PLCB2: variants seen among roughly 807,000 people sequenced by gnomAD.
PLCB2 encodes the protein 1-phosphatidylinositol 4,5-bisphosphate phosphodiesterase beta-2.
In PLCB2, 115 loss-of-function variants were observed where a neutral mutation model predicts 141.7. The ratio of observed to expected loss-of-function variants is 0.81; its 90% CI spans 0.70 to 0.95. PLCB2 has a LOEUF of 0.95. PLCB2 is among the 40% of genes least tolerant of loss of function. PLCB2 has a pLI of 0.00. For missense variants in PLCB2, 1,403 were observed against 1,541.1 expected, an observed-to-expected ratio of 0.91 and a Z score of 1.50; for synonymous variants, 603 against 595.6, an observed-to-expected ratio of 1.01 and a Z score of -0.18.
intron 11 of PLCB2, 52 bp downstream of exon 11, chr15:40,298,171 C>T: frequency 6.6e-7 from 1 of 1,518,374 alleles, no homozygotes; most frequent in Non-Finnish European, 8.9e-7. Context: ...GCTTCTGGCC[C>T]AGAGCCCTTC....
intron 7 of PLCB2, 22 bp downstream of exon 7, chr15:40,301,935 G>A: frequency 6.2e-7 from 1 of 1,607,444 alleles, no homozygotes; most frequent in Non-Finnish European, 8.5e-7. Flanking sequence ...TGGGGGATGG[G>A]CAGGGGTGCA....
chr15:40,286,419 C>T (rs894871761), downstream of PLCB2, among the ~76,000 whole-genome samples: 15 of 152,184 alleles, frequency 9.9e-5, no homozygotes, highest in African/African-American at 3.4e-4. Context: ...CACGTTGCAC[C>T]AGCTTGGCAG....
chr15:40,287,843 AG>A (rs1463864706), downstream of PLCB2: 7 of 761,238 alleles, frequency 9.2e-6, no homozygotes, highest in Non-Finnish European at 1.1e-5. Context: ...GTTTCATTTC[AG>A]GGGCACTCCA....
chr15:40,307,040 G>A (rs2040831947), intron 1 of PLCB2, among the ~76,000 whole-genome samples: 2 of 152,228 alleles, frequency 1.3e-5, no homozygotes, highest in Admixed American at 6.5e-5. Context: ...GGTAGCAGAA[G>A]TCAAATCAGC....
Position 40,288,116 on chromosome 15 carries a change from G to A in PLCB2, c.*599C>T. On this transcript the variant is annotated 3_prime_UTR_variant, in exon 32 of 32. Coordinates refer to ENST00000260402, the MANE Select transcript of PLCB2 (RefSeq NM_004573.3). Reference sequence around the variant, plus strand: ...AGAGCCCACTGCCCCTTGTGACTCAGCCAAGCAGGGCCAAGGCAGCTTTTC... The same window carrying A: ...AGAGCCCACTGCCCCTTGTGACTCAACCAAGCAGGGCCAAGGCAGCTTTTC... The A allele has an allele frequency of 1.0e-6, 1 of 985,510 alleles. No homozygotes were observed. Among genetic ancestry groups the A allele is most frequent in the Non-Finnish European group, 1.2e-6 (1 of 829,984 alleles). 61.0% of individuals were successfully genotyped at this position (985,510 alleles called of 1,614,324 possible).
intron 7 of PLCB2, 87 bp downstream of exon 7, chr15:40,301,870 T>C (rs966476348): frequency 1.7e-6 from 2 of 1,180,482 alleles, no homozygotes; most frequent in Non-Finnish European, 2.5e-6. Flanking sequence ...ATGTCACCTC[T>C]GCTCCCCCAC....
Position 40,290,708 on chromosome 15 carries a change from C to T in PLCB2, c.3114-36G>A, listed in dbSNP as rs147940268. 49 of 1,610,696 alleles carry T rather than the reference C, an allele frequency of 3.0e-5. No individual in the cohort carries two copies. In the African/African-American group the frequency reaches 5.3e-4, roughly 18 times the overall value. On this transcript the variant is annotated intron_variant, in intron 28 of 31. Transcript: ENST00000260402. ...ACAGGCATGAAGGAGCTGTTTTGTGCGGCTGAGCCCTTGCTGGGAGGCGAA... is the reference window on the plus strand; with the variant it reads ...ACAGGCATGAAGGAGCTGTTTTGTGTGGCTGAGCCCTTGCTGGGAGGCGAA...
At chr15:40,285,557 G>A, downstream of PLCB2, 2 of 985,412 alleles carry the variant, frequency 2.0e-6, no homozygotes, top group South Asian at 9.4e-5. Flanking sequence ...TCCCGCCCCA[G>A]AGCTAGGGCC....
intron 1 of PLCB2, among the ~76,000 whole-genome samples, chr15:40,304,360 C>G (rs4244575): frequency 0.25 from 38,058 of 151,974 alleles, 5,877 homozygotes; most frequent in East Asian, 0.71. Flanking sequence ...GAGCGAGACT[C>G]CCTACTGCCA....
rs976242035 is a variant in PLCB2 at position 40,307,790 on chromosome 15, G to A, written c.-118C>T. ...CTCAAATGGCACCCATCCCCGAGCT[G>A]CTCCAGAAATCTAGTTGCTCTTATA... On this transcript the variant is annotated 5_prime_UTR_variant, in exon 1 of 32. Transcript: ENST00000260402. 6.4e-6 allele frequency: 5 copies of A among 779,188 alleles called. No individual in the cohort carries two copies. The Admixed American group carries it at 9.3e-5, about 15-fold the overall frequency. 48.3% of individuals were successfully genotyped at this position (779,188 alleles called of 1,614,324 possible).
At chr15:40,299,027 C>T in intron 8 of PLCB2, 63 bp from the exon 9 acceptor site, 1 of 1,586,646 alleles carries the variant, frequency 6.3e-7, no homozygotes, top group East Asian at 2.2e-5. Flanking sequence ...AGACAACCCC[C>T]TTGTCCAGTG....
chr15:40,299,890 C>T (rs1313492031), intron 7 of PLCB2, among the ~76,000 whole-genome samples: 5 of 152,142 alleles, frequency 3.3e-5, no homozygotes, highest in Non-Finnish European at 5.9e-5. Flanking sequence ...ACAGGTATTT[C>T]TCCAAAGAAG....
intron 17 of PLCB2, 54 bp from the exon 18 acceptor site, chr15:40,295,114 C>T: frequency 6.2e-7 from 1 of 1,610,326 alleles, no homozygotes; most frequent in Non-Finnish European, 8.5e-7. Context: ...GAGAACCTAA[C>T]AGCTTACCCT....
rs751864031 is a variant in PLCB2, at chr15:40,291,068, C to T, written c.2986G>A (p.Glu996Lys). 3 of 1,589,890 alleles carry T rather than the reference C, an allele frequency of 1.9e-6. No homozygotes were observed. Among genetic ancestry groups the T allele is most frequent in the Admixed American group, 3.4e-5 (2 of 59,120 alleles). The stretch of plus-strand genomic sequence containing the variant: ...TTCAGAACGCACTCGTACTGCTCCT[C>T]GCCCTGCCGCAGCAGCTCCAGCTCC... ...RLELELLRQGEEQYECVLKRK... is the reference protein window; with the variant it reads ...RLELELLRQGKEQYECVLKRK... Residue 996 changes from glutamate to lysine, a missense_variant, in exon 27 of 32, where the codon GAG becomes AAG. Coordinates refer to ENST00000260402, the MANE Select transcript of PLCB2 (RefSeq NM_004573.3).
In PLCB2 at chr15:40,290,834, T is replaced by C. The variant is rs762562740; in HGVS notation, c.3040A>G (p.Ile1014Val). 1.4e-5 allele frequency: 23 copies of C among 1,612,648 alleles called. No individual in the cohort carries two copies. The Middle Eastern group carries it at 5.0e-4, about 35-fold the overall frequency. Reference sequence around the variant, plus strand: ...CTGGCCAGCTCCATCATTTTGGAGATTTGCTGCAGGGAGAGGAAGTAAGCT... The same window carrying C: ...CTGGCCAGCTCCATCATTTTGGAGACTTGCTGCAGGGAGAGGAAGTAAGCT... ...KRKEQHVAEQISKMMELAREK... is the reference protein window; with the variant it reads ...KRKEQHVAEQVSKMMELAREK... The change falls in exon 28 of 32, where the codon ATC becomes GTC. Residue 1014 changes from isoleucine (I) to valine (V), a missense_variant. This residue lies in a region of PLCB2 where 290 missense variants were observed against 245.9 expected (regional missense o/e 1.18). Transcript: ENST00000260402.
intron 1 of PLCB2, among the ~76,000 whole-genome samples, 157 bp from the exon 2 acceptor site, chr15:40,304,235 G>T (rs1354650934): frequency 6.6e-6 from 1 of 152,160 alleles, no homozygotes; most frequent in African/African-American, 2.4e-5. Flanking sequence ...GCACCAGGAG[G>T]GACAGAGGAT....
intron 23 of PLCB2, 48 bp from the exon 24 acceptor site, chr15:40,291,972 C>T (rs757794566): frequency 4.0e-5 from 64 of 1,608,284 alleles, no homozygotes; most frequent in Admixed American, 1.3e-4. Flanking sequence ...GCCCTCTCTC[C>T]CCGAGCCTGG....
At position 40,304,068 on chromosome 15, in the gene PLCB2, A is replaced by C; in HGVS notation, c.95T>G (p.Val32Gly). 6.3e-7 allele frequency: 1 copy of C among 1,597,850 alleles called. No individual in the cohort carries two copies. Among genetic ancestry groups the C allele is most frequent in the African/African-American group, 1.3e-5 (1 of 74,904 alleles). Residue 32 changes from valine to glycine, a missense_variant, in exon 2 of 32, where the codon GTT (valine) becomes GGT (glycine). This residue lies in a region of PLCB2 where 975 missense variants were observed against 1,141.1 expected (regional missense o/e 0.85). Transcript: ENST00000260402. ...CACACGGAGGATAACTGGAGAGGCA[A>C]CTGTAGTTTCCTGCAGAGAGAAGGA... Reference protein sequence around the residue: ...RFIKWDDETTVASPVILRVDP... With the variant: ...RFIKWDDETTGASPVILRVDP...
At position 40,293,726 on chromosome 15, in the gene PLCB2, T is replaced by TG; in HGVS notation, c.2062-3dup. ...TGACAGGAACTGCCCAGAGATCACC[T>TG]GGGGGTAGGGGCCCAGGAAAACCAG... On this transcript the variant is annotated splice_region_variant and splice_polypyrimidine_tract_variant and intron_variant, in intron 19 of 31. Transcript: ENST00000260402. 6.2e-7 allele frequency: 1 copy of TG among 1,605,130 alleles called. No individual in the cohort carries two copies. The highest frequency in any genetic ancestry group is 8.5e-7 in the Non-Finnish European group (1 of 1,172,896).
Sources: allele counts gnomAD v4.1 joint callset (sites outside exome capture counted in the v4.1 genomes callset), GRCh38; gene constraint gnomAD v4.1.1; regional missense constraint gnomAD v4.1.1; transcripts MANE v1.5; gene names NCBI Gene and HGNC (gene_info 2026-07-23, HGNC 2026-07-21).